Variants in PTPRM observed in about 807,000 individuals in gnomAD.
PTPRM encodes the protein receptor-type tyrosine-protein phosphatase mu.
PTPRM carries 47 observed loss-of-function variants against 186.7 expected under a neutral mutation model. That is an observed-to-expected ratio of 0.25 (90% CI 0.20 to 0.32). The LOEUF (loss-of-function observed/expected upper bound fraction) is 0.32, where lower values mean the gene tolerates loss of function less well. Among genes scored for constraint, PTPRM ranks in the 10% least tolerant of loss-of-function variants. PTPRM has a pLI of 1.00. For synonymous variants in PTPRM, 668 were observed against 674.9 expected, an observed-to-expected ratio of 0.99 and a Z score of 0.16; for missense variants, 1,494 against 1,865.0, an observed-to-expected ratio of 0.80 and a Z score of 3.66.
rs115700879 is a variant in PTPRM at position 8,174,235 on chromosome 18, G to C, written c.2300+30456G>C. Among the ~76,000 whole-genome samples the C allele has an allele frequency of 3.3e-3, 501 of 152,214 alleles. 3 individuals are homozygous for C. The highest frequency in any genetic ancestry group is 0.011 in the African/African-American group (475 of 41,530). On this transcript the variant is annotated intron_variant, in intron 14 of 32. Transcript: ENST00000580170. ...CCCCTAACCTGGTGGTCTTTCATTAGCTTTACAAAGGTGGTTTAGTTTTGG... is the reference window on the plus strand; with the variant it reads ...CCCCTAACCTGGTGGTCTTTCATTACCTTTACAAAGGTGGTTTAGTTTTGG...
chr18:8,313,511 G>A (rs2095285011), intron 20 of PTPRM, among the ~76,000 whole-genome samples: 1 of 151,944 alleles, frequency 6.6e-6, no homozygotes, highest in African/African-American at 2.4e-5. Flanking sequence ...TAAAGGCCAG[G>A]GACACAGCAG....
chr18:7,931,968 C>T (rs1368668310), intron 5 of PTPRM, among the ~76,000 whole-genome samples: 1 of 152,174 alleles, frequency 6.6e-6, no homozygotes, highest in Non-Finnish European at 1.5e-5. Context: ...GGCATGGGGG[C>T]CACTGCCTTT....
chr18:8,220,505 G>A (rs912849074), intron 14 of PTPRM, among the ~76,000 whole-genome samples: 1 of 152,272 alleles, frequency 6.6e-6, no homozygotes, highest in South Asian at 2.1e-4. Flanking sequence ...CAGGATTGGG[G>A]CATTCTTTAT....
intron 1 of PTPRM, among the ~76,000 whole-genome samples, chr18:7,768,085 A>G (rs561074530): frequency 1.3e-5 from 2 of 152,358 alleles, no homozygotes; most frequent in South Asian, 4.1e-4. Flanking sequence ...ACTAAGACAC[A>G]GTTATAATCA....
At chr18:8,065,774 T>C (rs1304580507) in intron 7 of PTPRM, among the ~76,000 whole-genome samples, 1 of 152,218 alleles carries the variant, frequency 6.6e-6, no homozygotes, top group Non-Finnish European at 1.5e-5. Flanking sequence ...AGATCTATAT[T>C]GTGCACATAG....
rs775672554 is a variant in PTPRM, at chr18:8,085,850, C to T, written c.1731C>T (p.Asn577=). Residue 577 remains asparagine, a synonymous_variant, in exon 10 of 33, where the codon AAC becomes AAT. Transcript: ENST00000580170. ...TAKGFGPPAT[N]QFTTKISAPS... ...AGGGTTTTGGGCCTCCAGCAACAAA[C>T]CAGTTCACCACCAAAATATCAGGTA... is the stretch of plus-strand genomic sequence containing the variant. 3.1e-6 allele frequency: 5 copies of T among 1,613,144 alleles called. No individual in the cohort carries two copies. The Admixed American group carries it at 6.7e-5, about 22-fold the overall frequency.
intron 1 of PTPRM, among the ~76,000 whole-genome samples, chr18:7,705,531 C>A (rs1310439935): frequency 6.6e-6 from 1 of 151,968 alleles, no homozygotes; most frequent in Non-Finnish European, 1.5e-5. Flanking sequence ...AGAGAAGAAA[C>A]CTCATGTTGG....
intron 14 of PTPRM, among the ~76,000 whole-genome samples, chr18:8,199,604 G>A (rs957344854): frequency 6.6e-6 from 1 of 152,188 alleles, no homozygotes; most frequent in African/African-American, 2.4e-5. Context: ...CTACAGCTTA[G>A]TTGCCCAGGA....
intron 15 of PTPRM, among the ~76,000 whole-genome samples, chr18:8,244,992 G>A (rs925152477): frequency 6.6e-6 from 1 of 152,166 alleles, no homozygotes; most frequent in Non-Finnish European, 1.5e-5. Context: ...CATGGGGATG[G>A]AATTAAAGTG....
intron 5 of PTPRM, chr18:7,947,012 C>A (rs996143093): frequency 2.2e-6 from 1 of 455,960 alleles, no homozygotes. Flanking sequence ...ATATGGGAGG[C>A]CTTGTGGTTT....
Position 7,926,695 on chromosome 18 carries a change from C to G in PTPRM, c.663+12C>G. 6.3e-7 allele frequency: 1 copy of G among 1,594,794 alleles called. No individual in the cohort carries two copies. The highest frequency in any genetic ancestry group is 8.6e-7 in the Non-Finnish European group (1 of 1,167,422). ...GGCTCTGGTTACAGGTACAGTAACT[C>G]ATTTTCATCAGTTGATGAGAGTCCA... On this transcript the variant is annotated intron_variant, in intron 5 of 32. Transcript: ENST00000580170.
intron 7 of PTPRM, among the ~76,000 whole-genome samples, chr18:8,031,153 C>T (rs748153778): frequency 1.3e-5 from 2 of 152,206 alleles, no homozygotes; most frequent in East Asian, 1.9e-4. Flanking sequence ...ATAGGCTATT[C>T]GGTAGTAAAC....
At chr18:8,255,252 A>G (rs189487577) in intron 19 of PTPRM, among the ~76,000 whole-genome samples, 346 of 152,362 alleles carry the variant, frequency 2.3e-3, no homozygotes, top group African/African-American at 8.0e-3. Context: ...TATTACTGAA[A>G]TGTTTATTAA....
intron 14 of PTPRM, among the ~76,000 whole-genome samples, chr18:8,165,071 A>G (rs984076996): frequency 4.0e-5 from 6 of 151,532 alleles, no homozygotes; most frequent in African/African-American, 1.2e-4. Context: ...CGGGAGGCTG[A>G]GGCAGGAGAA....
rs111465337 is a variant in PTPRM, at chr18:8,151,841, G to A, written c.2300+8062G>A. Reference sequence around the variant, plus strand: ...GGGTTGTGAAGACCATGGGAAAAGCGCAGTATCTGAGCTGGAGTGCAGGGT... The same window carrying A: ...GGGTTGTGAAGACCATGGGAAAAGCACAGTATCTGAGCTGGAGTGCAGGGT... On this transcript the variant is annotated intron_variant, in intron 14 of 32. Coordinates refer to ENST00000580170, the MANE Select transcript of PTPRM (RefSeq NM_001105244.2). Among the ~76,000 whole-genome samples the A allele has an allele frequency of 7.1e-3, 1,085 of 152,202 alleles. 17 individuals carry two copies. Among genetic ancestry groups the A allele is most frequent in the African/African-American group, 0.025 (1,038 of 41,520 alleles).
chr18:7,965,334 C>T (rs1041069724), intron 7 of PTPRM, among the ~76,000 whole-genome samples: 7 of 152,126 alleles, frequency 4.6e-5, no homozygotes, highest in Non-Finnish European at 8.8e-5. Context: ...GCATGTGCCA[C>T]CTCACCCAGC....
chr18:8,203,691 C>T (rs570546564), intron 14 of PTPRM, among the ~76,000 whole-genome samples: 1 of 151,960 alleles, frequency 6.6e-6, no homozygotes, highest in Admixed American at 6.6e-5. Context: ...AACTTTCAAA[C>T]GGTTTGGCAA....
At chr18:7,913,785 C>T (rs2050405130) in intron 4 of PTPRM, among the ~76,000 whole-genome samples, 1 of 151,924 alleles carries the variant, frequency 6.6e-6, no homozygotes, top group Admixed American at 6.6e-5. Context: ...CAGAATCATG[C>T]CCCATTATTT....
chr18:8,345,674 T>C (rs1394436342), intron 23 of PTPRM, among the ~76,000 whole-genome samples: 1 of 150,988 alleles, frequency 6.6e-6, no homozygotes, highest in Non-Finnish European at 1.5e-5. Context: ...TATATAAAAA[T>C]ACATAAATTA....
Sources: gnomAD v4.1 joint callset for allele counts (sites outside exome capture counted in the v4.1 genomes callset) on GRCh38, gnomAD v4.1.1 for gene constraint, MANE v1.5 for transcripts, NCBI Gene and HGNC (gene_info 2026-07-23, HGNC 2026-07-21) for gene names.